MXRA7: variants seen among roughly 807,000 people sequenced by gnomAD.
The protein encoded by MXRA7 is matrix remodeling associated 7, also known as matrix-remodeling-associated protein 7.
In MXRA7, 18 loss-of-function variants were observed where a neutral mutation model predicts 17.4. The observed-to-expected ratio is 1.03, with a 90% CI of 0.71 to 1.53. The LOEUF (loss-of-function observed/expected upper bound fraction) is 1.53, where lower values mean the gene tolerates loss of function less well. Ranked by LOEUF, MXRA7 falls within the 40% of genes most tolerant of loss-of-function variation. The pLI is 0.00. For synonymous variants in MXRA7, 70 were observed against 101.7 expected (o/e 0.69, Z 1.87); for missense variants, 141 against 209.3 (o/e 0.67, Z 2.01).
downstream of MXRA7, chr17:76,677,707 C>T (rs371498413): frequency 3.9e-5 from 62 of 1,608,244 alleles, no homozygotes; most frequent in Non-Finnish European, 4.6e-5. Context: ...TGAACTCTGT[C>T]GAGAAGAAAG....
In MXRA7 at chr17:76,691,967, T is replaced by G. The variant is rs114503013; in HGVS notation, c.343-3791A>C. 4.9e-3 allele frequency among the ~76,000 whole-genome samples: 748 copies of G among 151,732 alleles called. 6 individuals are homozygous for G. Among genetic ancestry groups the G allele is most frequent in the African/African-American group, 0.017 (716 of 41,358 alleles). ...AATAATTGCACTCCAGGGCGAGGAG[T>G]CCATGAGCCAGGGCAGATCCGTATC... On this transcript the variant is annotated intron_variant, in intron 1 of 3. Transcript: ENST00000449428.
At chr17:76,683,918 C>T (rs138127502) in intron 3 of MXRA7, 2 of 1,613,648 alleles carry the variant, frequency 1.2e-6, no homozygotes, top group African/African-American at 1.3e-5. Flanking sequence ...GGTCAGAGGT[C>T]AGCTCAATCC....
At chr17:76,687,131 G>C (rs1199743307) in intron 2 of MXRA7, among the ~76,000 whole-genome samples, 1 of 152,214 alleles carries the variant, frequency 6.6e-6, no homozygotes, top group Non-Finnish European at 1.5e-5. Context: ...TGGCTGCGGT[G>C]AGTCCCCAGT....
intron 3 of MXRA7, among the ~76,000 whole-genome samples, chr17:76,682,773 C>A (rs2076324249): frequency 6.6e-6 from 1 of 152,086 alleles, no homozygotes; most frequent in Admixed American, 6.5e-5. Context: ...CAGTCCTGCC[C>A]CAAGAAGTCC....
intron 1 of MXRA7, among the ~76,000 whole-genome samples, chr17:76,690,776 C>T (rs1231905721): frequency 6.6e-6 from 1 of 152,026 alleles, no homozygotes; most frequent in African/African-American, 2.4e-5. Context: ...GGTGCAATCA[C>T]GGCTCACTGC....
chr17:76,690,827 C>A (rs1251611703), intron 1 of MXRA7, among the ~76,000 whole-genome samples: 1 of 152,066 alleles, frequency 6.6e-6, no homozygotes, highest in African/African-American at 2.4e-5. Flanking sequence ...CCTGCCTCAG[C>A]CTCTGGAATA....
intron 2 of MXRA7, among the ~76,000 whole-genome samples, chr17:76,685,756 T>C (rs1452647300): frequency 6.6e-6 from 1 of 152,138 alleles, no homozygotes; most frequent in Non-Finnish European, 1.5e-5. Flanking sequence ...TCTCGAGGCC[T>C]GAAGAGGGCA....
chr17:76,673,674 ATTACT>A (rs543991921), exon 4 of MXRA7: 57 of 142,532 alleles, frequency 4.0e-4, no homozygotes, highest in African/African-American at 1.4e-3. Flanking sequence ...TCTTAGTATA[ATTACT>A]TACATTTTCA....
chr17:76,691,791 C>T (rs1004318880), intron 1 of MXRA7, among the ~76,000 whole-genome samples: 6 of 152,140 alleles, frequency 3.9e-5, no homozygotes, highest in East Asian at 3.8e-4. Context: ...ATTCAGGGCA[C>T]GGCCCCGGAA....
intron 1 of MXRA7, among the ~76,000 whole-genome samples, chr17:76,698,034 G>C (rs2076551414): frequency 1.3e-5 from 2 of 152,134 alleles, no homozygotes; most frequent in Admixed American, 1.3e-4. Context: ...TCTGCTGTGG[G>C]GCAGTGCAAA....
intron 1 of MXRA7, chr17:76,689,973 T>G (rs1349624269): frequency 6.8e-6 from 1 of 147,276 alleles, no homozygotes; most frequent in African/African-American, 2.5e-5. Flanking sequence ...ATTGCGCCAT[T>G]GCACTCCAGC....
intron 3 of MXRA7, chr17:76,683,754 G>C: frequency 1.2e-6 from 1 of 827,824 alleles, no homozygotes; most frequent in Non-Finnish European, 2.1e-6. Context: ...AGGCGATGGA[G>C]GAGGGGAGGT....
intron 1 of MXRA7, among the ~76,000 whole-genome samples, chr17:76,704,741 C>T (rs909601315): frequency 2.0e-5 from 3 of 146,904 alleles, no homozygotes; most frequent in East Asian, 4.0e-4. Flanking sequence ...GCTGAGATTG[C>T]GCCACTGCAC....
chr17:76,682,369 C>A (rs1322997692), intron 3 of MXRA7, among the ~76,000 whole-genome samples: 1 of 152,176 alleles, frequency 6.6e-6, no homozygotes, highest in Non-Finnish European at 1.5e-5. Context: ...AGGGTGGAAC[C>A]TGACAGGCGG....
In MXRA7 at chr17:76,680,336, C is replaced by A; in HGVS notation, c.*531G>T. The A allele has an allele frequency of 1.0e-6, 1 of 985,486 alleles. No homozygotes were observed. The highest frequency in any genetic ancestry group is 1.2e-6 in the Non-Finnish European group (1 of 830,056). 61.0% of individuals were successfully genotyped at this position (985,486 alleles called of 1,614,324 possible). ...AATATGGCATCTCACCCCCGACAAC[C>A]AAGCCAGCCACAGAGAGAAGTGGGG... On this transcript the variant is annotated 3_prime_UTR_variant, in exon 4 of 4. Transcript: ENST00000449428.
chr17:76,677,359 G>A (rs114864876), downstream of MXRA7: 2,374 of 458,640 alleles, frequency 5.2e-3, 55 homozygotes, highest in African/African-American at 0.041. Flanking sequence ...AACCTCACCA[G>A]CAAGCAGAAA....
intron 1 of MXRA7, among the ~76,000 whole-genome samples, chr17:76,704,200 ATTTTTT>A (rs1162372827): frequency 1.6e-5 from 1 of 63,434 alleles, no homozygotes; most frequent in Non-Finnish European, 2.8e-5. Context: ...CTTCCTTCAG[ATTTTTT>A]TTTTTTTTTT....
chr17:76,704,781 CAAAA>C (rs34446989), intron 1 of MXRA7, among the ~76,000 whole-genome samples: 10 of 92,912 alleles, frequency 1.1e-4, no homozygotes, highest in African/African-American at 4.4e-4. Context: ...AACTCCGTCT[CAAAA>C]AAAAAAAAAA....
chr17:76,678,491 T>C (rs1485613649), downstream of MXRA7, among the ~76,000 whole-genome samples: 2 of 152,170 alleles, frequency 1.3e-5, no homozygotes, highest in Admixed American at 1.3e-4. Context: ...GGGAGCCATA[T>C]GTTTGTTGTT....
Sources: allele counts gnomAD v4.1 joint callset (sites outside exome capture counted in the v4.1 genomes callset), GRCh38; gene constraint gnomAD v4.1.1; transcripts MANE v1.5; gene names NCBI Gene and HGNC (gene_info 2026-07-23, HGNC 2026-07-21).